GNPTG: variants seen among roughly 807,000 people sequenced by gnomAD.
The protein encoded by GNPTG is N-acetylglucosamine-1-phosphate transferase subunit gamma.
A neutral mutation model predicts 43.8 loss-of-function variants in GNPTG; 46 were observed. The ratio of observed to expected loss-of-function variants is 1.05; its 90% CI spans 0.83 to 1.34. The LOEUF (loss-of-function observed/expected upper bound fraction) is 1.34. Ranked by LOEUF, GNPTG falls within the 40% of genes most tolerant of loss-of-function variation. The probability of loss-of-function intolerance (pLI) is 0.00; values close to 1 mark genes in which losing one functional copy is unlikely to be tolerated. For missense variants in GNPTG, 549 were observed against 411.3 expected (o/e 1.33, Z -2.90); for synonymous variants, 250 against 172.8 (o/e 1.45, Z -3.50).
chr16:1,355,631 G>C (rs1238638227), intron 3 of GNPTG, among the ~76,000 whole-genome samples: 1 of 152,152 alleles, frequency 6.6e-6, no homozygotes, highest in Non-Finnish European at 1.5e-5. Flanking sequence ...GGTCAGTGTG[G>C]TGGTCCTGCC....
At position 1,362,755 on chromosome 16, in the gene GNPTG, G is replaced by C. The variant is rs368890072; in HGVS notation, c.741+13G>C. On this transcript the variant is annotated intron_variant, in intron 9 of 10. Coordinates refer to ENST00000204679, the MANE Select transcript of GNPTG (RefSeq NM_032520.5). ...AAACTGCAGGAAGGTACCGTATTGGGGGGAGGTGGTGGCACGCAGTAGCCC... is the reference window on the plus strand; with the variant it reads ...AAACTGCAGGAAGGTACCGTATTGGCGGGAGGTGGTGGCACGCAGTAGCCC... 5 of 1,614,018 alleles carry C rather than the reference G, an allele frequency of 3.1e-6. No individual in the cohort carries two copies. In the African/African-American group the frequency reaches 4.0e-5, roughly 13 times the overall value.
chr16:1,355,065 C>G (rs1384882010), intron 3 of GNPTG, among the ~76,000 whole-genome samples: 1 of 151,564 alleles, frequency 6.6e-6, no homozygotes, highest in African/African-American at 2.4e-5. Context: ...TCTGCCGCGT[C>G]TGCGGGGTCG....
chr16:1,352,055 C>G (rs1279467396), intron 1 of GNPTG, 38 bp downstream of exon 1: 3 of 1,521,572 alleles, frequency 2.0e-6, no homozygotes, highest in Admixed American at 2.0e-5. Flanking sequence ...AGGCCCCGCG[C>G]GCGCTCTGCA....
chr16:1,362,182 C>T (rs1307828074), intron 6 of GNPTG, 24 bp from the exon 7 acceptor site: 6 of 1,613,364 alleles, frequency 3.7e-6, no homozygotes, highest in Non-Finnish European at 5.1e-6. Context: ...CTCCCCAACC[C>T]ACCTACCCAC....
chr16:1,356,961 G>A lies in GNPTG; in HGVS notation c.178+4655G>A, dbSNP rs182820817. Reference sequence around the variant, plus strand: ...CGGGAGTGTGCGGGTGGCGGTCTGCGGGCAGGAGTCTGAGTGGCAGATGGG... The same window carrying A: ...CGGGAGTGTGCGGGTGGCGGTCTGCAGGCAGGAGTCTGAGTGGCAGATGGG... On this transcript the variant is annotated intron_variant, in intron 3 of 10. Transcript: ENST00000204679. Among the ~76,000 whole-genome samples, 173 of 151,532 alleles carry A rather than the reference G, an allele frequency of 1.1e-3. 1 individual carries two copies. Among genetic ancestry groups the A allele is most frequent in the African/African-American group, 3.9e-3 (161 of 41,058 alleles).
chr16:1,362,535 G>A lies in GNPTG; in HGVS notation c.609+1G>A. On this transcript the variant is annotated splice_donor_variant, in intron 8 of 10. Coordinates refer to ENST00000204679, the MANE Select transcript of GNPTG (RefSeq NM_032520.5). LOFTEE classifies it high-confidence loss of function. ...GGCCGATGAGCTGATCACCCCCCAG[G>A]TAAGCGTGCGCTCGGGGTGGCCCCT... The A allele has an allele frequency of 6.2e-7, 1 of 1,614,180 alleles. No individual in the cohort carries two copies. The highest frequency in any genetic ancestry group is 8.5e-7 in the Non-Finnish European group (1 of 1,180,034).
chr16:1,361,411 G>T (rs983250828), intron 3 of GNPTG: 2 of 355,306 alleles, frequency 5.6e-6, no homozygotes. Context: ...TTGGGAGGCC[G>T]AGGTGGGTGG....
chr16:1,362,534 G>A lies in GNPTG; in HGVS notation c.609G>A (p.Gln203=), dbSNP rs756694104. The A allele has an allele frequency of 2.7e-5, 43 of 1,614,060 alleles. No individual in the cohort carries two copies. Among genetic ancestry groups the A allele is most frequent in the Non-Finnish European group, 3.5e-5 (41 of 1,180,050 alleles). The change falls in exon 8 of 11, where the codon CAG becomes CAA. Residue 203 remains glutamine, a splice_region_variant and synonymous_variant. Transcript: ENST00000204679. ...TGGCCGATGAGCTGATCACCCCCCA[G>A]GTAAGCGTGCGCTCGGGGTGGCCCC... ...QDLADELITP[Q]GHEKLLRTLF... is the part of the protein sequence containing the mutation.
Position 1,361,952 on chromosome 16 carries a change from T to G in GNPTG, c.314T>G (p.Leu105Arg). 6.2e-7 allele frequency: 1 copy of G among 1,613,502 alleles called. No homozygotes were observed. The highest frequency in any genetic ancestry group is 8.5e-7 in the Non-Finnish European group (1 of 1,180,030). ...TFRWNAYSGI[L>R]GIWHEWEIAN... ...CGCTGGAACGCCTACAGTGGGATCC[T>G]CGGGTGAGTGGGGCCGGGGCAGGGA... The change falls in exon 5 of 11, where the codon CTC becomes CGC. Residue 105 changes from leucine to arginine, a missense_variant. Coordinates refer to ENST00000204679, the MANE Select transcript of GNPTG (RefSeq NM_032520.5).
chr16:1,352,202 C>T (rs764689491), intron 2 of GNPTG, 37 bp from the exon 3 acceptor site: 3 of 1,552,574 alleles, frequency 1.9e-6, no homozygotes, highest in African/African-American at 2.7e-5. Flanking sequence ...GGGGACGGCC[C>T]GGGCCCGTTC....
chr16:1,358,119 T>G (rs888778734), intron 3 of GNPTG: 2 of 152,152 alleles, frequency 1.3e-5, no homozygotes, highest in Non-Finnish European at 2.9e-5. Flanking sequence ...GGCCTTGATG[T>G]GTACACGCCC....
At chr16:1,360,271 G>T (rs1037840772) in intron 3 of GNPTG, among the ~76,000 whole-genome samples, 1 of 152,170 alleles carries the variant, frequency 6.6e-6, no homozygotes, top group Non-Finnish European at 1.5e-5. Flanking sequence ...TCTTTTGCCT[G>T]TTTATATGAA....
rs559549488 is a variant in GNPTG, at chr16:1,361,968, G to T, written c.317+13G>T. ...GTGGGATCCTCGGGTGAGTGGGGCC[G>T]GGGCAGGGATCCCAAAGCAGCAGCG... On this transcript the variant is annotated intron_variant, in intron 5 of 10. Coordinates refer to ENST00000204679, the MANE Select transcript of GNPTG (RefSeq NM_032520.5). 6.2e-7 allele frequency: 1 copy of T among 1,613,328 alleles called. No individual in the cohort carries two copies. The highest frequency in any genetic ancestry group is 1.7e-5 in the Admixed American group (1 of 60,032).
chr16:1,362,317 C>T lies in GNPTG; in HGVS notation c.523C>T (p.Leu175=), dbSNP rs370286980. 2 of 1,612,574 alleles carry T rather than the reference C, an allele frequency of 1.2e-6. No homozygotes were observed. Among genetic ancestry groups the T allele is most frequent in the African/African-American group, 2.7e-5 (2 of 74,932 alleles). The part of the protein sequence containing the change: ...TPLVCHPHAL[L]VYPTLPEALQ... Reference sequence around the variant, plus strand: ...CCTCGTCTGCCACCCCCACGCCTTGCTAGGTAGGGGTGCGGGACGCAGTTG... The same window carrying T: ...CCTCGTCTGCCACCCCCACGCCTTGTTAGGTAGGGGTGCGGGACGCAGTTG... Residue 175 remains leucine (L), a synonymous_variant, in exon 7 of 11, where the codon CTA becomes TTA. Transcript: ENST00000204679.
chr16:1,353,631 C>A (rs111476616), intron 3 of GNPTG, among the ~76,000 whole-genome samples: 1 of 152,152 alleles, frequency 6.6e-6, no homozygotes, highest in African/African-American at 2.4e-5. Flanking sequence ...TGAAGCAATC[C>A]ACCAACCTCA....
At chr16:1,354,834 G>C (rs916491270) in intron 3 of GNPTG, among the ~76,000 whole-genome samples, 1 of 152,050 alleles carries the variant, frequency 6.6e-6, no homozygotes, top group African/African-American at 2.4e-5. Context: ...TTTTTCCTGC[G>C]CCTGTGGGGT....
chr16:1,362,872 C>T lies in GNPTG; in HGVS notation c.789C>T (p.Leu263=), dbSNP rs755376950. The T allele has an allele frequency of 5.6e-6, 9 of 1,613,916 alleles. No individual in the cohort carries two copies. The highest frequency in any genetic ancestry group is 4.5e-5 in the East Asian group (2 of 44,868). Residue 263 remains leucine, a synonymous_variant, in exon 10 of 11, where the codon CTC becomes CTT. Transcript: ENST00000204679. The stretch of plus-strand genomic sequence containing the variant: ...AGATCAAAAGGCTGAAAGGTTTGCT[C>T]ACCCAGCACGGCATCCCCTACACGA... ...SKEIKRLKGL[L]TQHGIPYTRP... is the part of the protein sequence containing the mutation.
At chr16:1,354,721 T>G (rs1463672135) in intron 3 of GNPTG, among the ~76,000 whole-genome samples, 1 of 152,212 alleles carries the variant, frequency 6.6e-6, no homozygotes, top group Non-Finnish European at 1.5e-5. Context: ...TTTAGTGTTT[T>G]AATTTGGAAC....
In GNPTG at chr16:1,356,483, C is replaced by T. The variant is rs186443993; in HGVS notation, c.178+4177C>T. Among the ~76,000 whole-genome samples the T allele has an allele frequency of 7.8e-3, 1,191 of 152,264 alleles. 21 individuals carry two copies. The highest frequency in any genetic ancestry group is 0.02 in the Admixed American group (306 of 15,304). On this transcript the variant is annotated intron_variant, in intron 3 of 10. Coordinates refer to ENST00000204679, the MANE Select transcript of GNPTG (RefSeq NM_032520.5). ...GTCTCAGGAGGACAGGCTGCTGAAA[C>T]CTGAGGGCCAGGCGGAGGGGAGGGG...
Sources: allele counts gnomAD v4.1 joint callset (sites outside exome capture counted in the v4.1 genomes callset), GRCh38; gene constraint gnomAD v4.1.1; transcripts MANE v1.5; gene names NCBI Gene and HGNC (gene_info 2026-07-23, HGNC 2026-07-21).